Variants in SETBP1 observed in about 807,000 individuals in gnomAD.
SETBP1 encodes SET-binding protein.
A neutral mutation model predicts 101.0 loss-of-function variants in SETBP1; 9 were observed. The observed-to-expected ratio is 0.09, with a 90% CI of 0.05 to 0.16. The LOEUF is 0.16. SETBP1 is among the 10% of genes least tolerant of loss of function. SETBP1 has a pLI of 1.00. For synonymous variants in SETBP1, 818 were observed against 788.5 expected, an observed-to-expected ratio of 1.04 and a Z score of -0.63; for missense variants, 1,858 against 2,033.8, an observed-to-expected ratio of 0.91 and a Z score of 1.66.
At chr18:44,706,269 C>T (rs372832202) in intron 2 of SETBP1, among the ~76,000 whole-genome samples, 74 of 152,156 alleles carry the variant, frequency 4.9e-4, no homozygotes, top group African/African-American at 1.7e-3. Flanking sequence ...CAACAGAGAC[C>T]ATGAAGATGA....
chr18:44,751,215 T>A (rs986379984), intron 2 of SETBP1, among the ~76,000 whole-genome samples: 17 of 152,300 alleles, frequency 1.1e-4, no homozygotes, highest in African/African-American at 4.1e-4. Flanking sequence ...GAGTTAAACA[T>A]GCTTTCCACA....
chr18:44,926,616 G>C (rs185496024), intron 3 of SETBP1, among the ~76,000 whole-genome samples: 11 of 152,242 alleles, frequency 7.2e-5, no homozygotes, highest in Non-Finnish European at 1.3e-4. Context: ...CAAGGAAAGA[G>C]GTCCTCAGAG....
intron 4 of SETBP1, among the ~76,000 whole-genome samples, chr18:44,953,684 C>T (rs1427948277): frequency 2.0e-5 from 3 of 152,172 alleles, no homozygotes; most frequent in Non-Finnish European, 4.4e-5. Context: ...TGTTTGGATA[C>T]AGCCTCTAAA....
At chr18:45,050,706 G>T (rs1044002784) in intron 5 of SETBP1, among the ~76,000 whole-genome samples, 2 of 152,308 alleles carry the variant, frequency 1.3e-5, no homozygotes, top group Admixed American at 6.5e-5. Context: ...ACTCTGTGTG[G>T]CCGGGATCCA....
At chr18:44,709,120 G>T (rs2069286222) in intron 2 of SETBP1, among the ~76,000 whole-genome samples, 2 of 152,126 alleles carry the variant, frequency 1.3e-5, no homozygotes, top group Admixed American at 1.3e-4. Flanking sequence ...CTGTGTTTGG[G>T]ATTCTCTGGG....
At chr18:44,688,356 C>G (rs541549499) in intron 1 of SETBP1, among the ~76,000 whole-genome samples, 14 of 152,252 alleles carry the variant, frequency 9.2e-5, no homozygotes, top group Non-Finnish European at 1.8e-4. Context: ...AGTAGCCCAT[C>G]AGAAGCAGTG....
At chr18:44,849,299 G>C (rs2072797800) in intron 2 of SETBP1, among the ~76,000 whole-genome samples, 1 of 152,098 alleles carries the variant, frequency 6.6e-6, no homozygotes, top group Admixed American at 6.5e-5. Flanking sequence ...TCTATTCCCA[G>C]ATCCCATGAT....
At chr18:45,016,731 G>GCGCACACA (rs1352316966) in intron 4 of SETBP1, among the ~76,000 whole-genome samples, 10 of 122,858 alleles carry the variant, frequency 8.1e-5, no homozygotes, top group African/African-American at 2.8e-4. Flanking sequence ...ATTGGTGCGC[G>GCGCACACA]CACACACACA....
At chr18:44,764,312 T>TC (rs2070720048) in intron 2 of SETBP1, among the ~76,000 whole-genome samples, 1 of 152,232 alleles carries the variant, frequency 6.6e-6, no homozygotes, top group African/African-American at 2.4e-5. Flanking sequence ...TTGCCCCTGA[T>TC]TCCTCTGCTT....
chr18:44,905,838 T>G (rs1300809656), intron 3 of SETBP1, among the ~76,000 whole-genome samples: 1 of 152,198 alleles, frequency 6.6e-6, no homozygotes, highest in African/African-American at 2.4e-5. Flanking sequence ...GAGGAGTTGT[T>G]TCCTCATAAT....
rs187110299 is a variant in SETBP1 at position 44,957,819 on chromosome 18, A to G, written c.4000+4479A>G. On this transcript the variant is annotated intron_variant, in intron 4 of 5. Coordinates refer to ENST00000649279, the MANE Select transcript of SETBP1 (RefSeq NM_015559.3). ...TTCAGGATCATTTCCTTAAAATGGA[A>G]TAAAAGGAAGAAGAGGACTAATGGG... Among the ~76,000 whole-genome samples the G allele has an allele frequency of 3.9e-5, 6 of 152,358 alleles. No homozygotes were observed. The East Asian group carries it at 1.2e-3, about 29-fold the overall frequency.
intron 1 of SETBP1, among the ~76,000 whole-genome samples, chr18:44,699,446 G>A (rs2069077314): frequency 6.6e-6 from 1 of 152,090 alleles, no homozygotes. Flanking sequence ...AAAATAATGT[G>A]TATTATTGGG....
Position 44,950,245 on chromosome 18 carries a change from C to A in SETBP1, c.905C>A (p.Pro302His), listed in dbSNP as rs561483872. The stretch of plus-strand genomic sequence containing the variant: ...AGCAGCCACAGCTCACCAGCCCCAC[C>A]CAGCAGCTCTGCTGAGTGCAACGGG... ...SPSSHSSPAPPSSSAECNGLQ... is the reference protein window; with the variant it reads ...SPSSHSSPAPHSSSAECNGLQ... Residue 302 changes from proline (P) to histidine (H), a missense_variant, in exon 4 of 6, where the codon CCC (proline) becomes CAC (histidine). Transcript: ENST00000649279. The A allele has an allele frequency of 3.7e-6, 6 of 1,614,028 alleles. No individual in the cohort carries two copies. The South Asian group carries it at 5.5e-5, about 15-fold the overall frequency.
At chr18:44,806,991 T>G (rs938735529) in intron 2 of SETBP1, among the ~76,000 whole-genome samples, 2 of 152,096 alleles carry the variant, frequency 1.3e-5, no homozygotes, top group African/African-American at 4.8e-5. Context: ...ATTCCATTAT[T>G]GTTCTCAGTA....
At chr18:44,996,934 A>C (rs1197506185) in intron 4 of SETBP1, among the ~76,000 whole-genome samples, 1 of 152,258 alleles carries the variant, frequency 6.6e-6, no homozygotes, top group African/African-American at 2.4e-5. Flanking sequence ...AGATGGGTAC[A>C]GGCAGGTCTC....
chr18:44,912,514 G>T (rs1383027762), intron 3 of SETBP1, among the ~76,000 whole-genome samples: 4 of 150,816 alleles, frequency 2.7e-5, no homozygotes, highest in African/African-American at 4.9e-5. Context: ...TGTTTTTTTT[G>T]AGACAGAGTC....
chr18:44,858,399 A>G (rs1468132689), intron 2 of SETBP1, among the ~76,000 whole-genome samples: 3 of 152,252 alleles, frequency 2.0e-5, no homozygotes, highest in South Asian at 4.1e-4. Context: ...GTTTTCAAAT[A>G]GCAGTTCAAA....
chr18:44,892,838 C>A (rs895324106), intron 3 of SETBP1, among the ~76,000 whole-genome samples: 3 of 152,090 alleles, frequency 2.0e-5, no homozygotes, highest in Non-Finnish European at 4.4e-5. Flanking sequence ...TTTTCTCAAC[C>A]AAGCCTTTAT....
chr18:44,841,984 G>C (rs974025512), intron 2 of SETBP1, among the ~76,000 whole-genome samples: 1 of 152,238 alleles, frequency 6.6e-6, no homozygotes, highest in African/African-American at 2.4e-5. Context: ...ACCTCACTTT[G>C]ATAAAAGCCA....
Sources: allele counts gnomAD v4.1 joint callset (sites outside exome capture counted in the v4.1 genomes callset), GRCh38; gene constraint gnomAD v4.1.1; transcripts MANE v1.5; gene names NCBI Gene and HGNC (gene_info 2026-07-23, HGNC 2026-07-21).